The following CRPPA variants were observed in gnomAD, a reference collection of about 807,000 sequenced individuals.
The protein encoded by CRPPA is CDP-L-ribitol pyrophosphorylase A.
A neutral mutation model predicts 52.0 loss-of-function variants in CRPPA; 43 were observed. The ratio of observed to expected loss-of-function variants is 0.83; its 90% CI spans 0.65 to 1.07. CRPPA has a LOEUF of 1.07. Ranked by LOEUF, CRPPA falls within the 50% of genes least tolerant of loss-of-function variation. The pLI is 0.00. For synonymous variants in CRPPA, 250 were observed against 203.5 expected, an observed-to-expected ratio of 1.23 and a Z score of -1.94; for missense variants, 629 against 551.7, an observed-to-expected ratio of 1.14 and a Z score of -1.40.
chr7:16,112,970 C>A (rs1044607195), intron 9 of CRPPA, among the ~76,000 whole-genome samples: 1 of 151,804 alleles, frequency 6.6e-6, no homozygotes, highest in Non-Finnish European at 1.5e-5. Context: ...GAAAAACAGA[C>A]CCATTAGCAT....
intron 2 of CRPPA, among the ~76,000 whole-genome samples, chr7:16,385,364 G>T (rs1401222197): frequency 6.6e-6 from 1 of 152,110 alleles, no homozygotes; most frequent in African/African-American, 2.4e-5. Flanking sequence ...CATAGTAAAA[G>T]TGCTGAAAAC....
chr7:16,142,113 C>T (rs540459033), intron 9 of CRPPA, among the ~76,000 whole-genome samples: 1 of 152,244 alleles, frequency 6.6e-6, no homozygotes, highest in African/African-American at 2.4e-5. Flanking sequence ...GAGACATAAA[C>T]AAGAACGGAT....
intron 9 of CRPPA, among the ~76,000 whole-genome samples, chr7:16,215,196 T>C (rs1782270732): frequency 6.6e-6 from 1 of 152,214 alleles, no homozygotes; most frequent in Admixed American, 6.5e-5. Context: ...TTTAAATACC[T>C]GTCATTCACT....
chr7:16,213,626 A>G (rs6461232), intron 9 of CRPPA, among the ~76,000 whole-genome samples: 147,272 of 151,862 alleles, frequency 0.97, 71,515 homozygotes, highest in East Asian at 1. Flanking sequence ...GCGGGCACCC[A>G]TAATCCCAGC....
At chr7:16,299,647 A>T (rs1784749778) in intron 5 of CRPPA, among the ~76,000 whole-genome samples, 1 of 152,176 alleles carries the variant, frequency 6.6e-6, no homozygotes, top group South Asian at 2.1e-4. Context: ...GGAAACTAAA[A>T]GTTTGTTGAC....
chr7:16,188,269 C>A (rs1015794855), intron 9 of CRPPA, among the ~76,000 whole-genome samples: 1 of 151,842 alleles, frequency 6.6e-6, no homozygotes, highest in Non-Finnish European at 1.5e-5. Flanking sequence ...TATTTCAATT[C>A]CTAAATAACT....
intron 3 of CRPPA, among the ~76,000 whole-genome samples, chr7:16,323,380 A>G (rs184379737): frequency 6.6e-6 from 1 of 152,164 alleles, no homozygotes; most frequent in African/African-American, 2.4e-5. Flanking sequence ...GTTTGGTCAT[A>G]TGATTGTCAA....
chr7:16,387,086 TACACAC>T (rs373538470), intron 2 of CRPPA, among the ~76,000 whole-genome samples: 43 of 55,642 alleles, frequency 7.7e-4, no homozygotes, highest in Middle Eastern at 7.6e-3. Context: ...TATATATATA[TACACAC>T]ATATATATAT....
intron 6 of CRPPA, among the ~76,000 whole-genome samples, chr7:16,263,712 A>G (rs1783874086): frequency 6.6e-6 from 1 of 152,136 alleles, no homozygotes; most frequent in African/African-American, 2.4e-5. Flanking sequence ...AGATCGTGCC[A>G]CTGCACTCCA....
chr7:16,166,091 G>A (rs1473971828), intron 9 of CRPPA, among the ~76,000 whole-genome samples: 1 of 152,088 alleles, frequency 6.6e-6, no homozygotes, highest in Non-Finnish European at 1.5e-5. Context: ...ACCATTGTTG[G>A]TACACAAAGT....
rs1562496928 is a variant in CRPPA, at chr7:16,089,473, G to GTGCA, written c.*2221_*2222insTGCA. 3 of 316,212 alleles carry GTGCA rather than the reference G, an allele frequency of 9.5e-6. No individual in the cohort carries two copies. Among genetic ancestry groups the GTGCA allele is most frequent in the East Asian group, 7.7e-5 (1 of 12,914 alleles). The allele number at this position is 316,212 out of a possible 1,614,324, so 19.6% of individuals were successfully genotyped here. A position where few individuals can be genotyped will look rare whatever the true frequency, so the allele number is the denominator to read the frequency against. On this transcript the variant is annotated 3_prime_UTR_variant, in exon 10 of 10. Coordinates refer to ENST00000407010, the MANE Select transcript of CRPPA (RefSeq NM_001101426.4). ...CATACATATATGTGTATATATGTAC[G>GTGCA]TACATATATACGGGTATATATGTAC...
intron 9 of CRPPA, among the ~76,000 whole-genome samples, chr7:16,137,208 C>A (rs1264036505): frequency 6.6e-6 from 1 of 152,202 alleles, no homozygotes; most frequent in Non-Finnish European, 1.5e-5. Context: ...CAGAAAGCTG[C>A]CTCGCTTATC....
chr7:16,247,178 A>T (rs1429387266), intron 8 of CRPPA, among the ~76,000 whole-genome samples: 1 of 152,244 alleles, frequency 6.6e-6, no homozygotes, highest in Non-Finnish European at 1.5e-5. Context: ...TTTAAACCAC[A>T]TGAATAAACT....
chr7:16,184,075 G>C (rs375400253), intron 9 of CRPPA, among the ~76,000 whole-genome samples: 1 of 152,048 alleles, frequency 6.6e-6, no homozygotes, highest in East Asian at 1.9e-4. Flanking sequence ...CTGAGTAGCT[G>C]GGACTACAGG....
chr7:16,171,097 G>A (rs967004116), intron 9 of CRPPA, among the ~76,000 whole-genome samples: 1 of 152,268 alleles, frequency 6.6e-6, no homozygotes, highest in Admixed American at 6.5e-5. Flanking sequence ...CTGAGAGCGA[G>A]TGAGGGCTGC....
chr7:16,397,604 T>C (rs891684283), intron 2 of CRPPA, among the ~76,000 whole-genome samples: 3 of 151,930 alleles, frequency 2.0e-5, no homozygotes, highest in African/African-American at 7.2e-5. Flanking sequence ...TACTGACGTG[T>C]GACACGTGAC....
intron 3 of CRPPA, among the ~76,000 whole-genome samples, chr7:16,360,255 T>G (rs1358553565): frequency 6.6e-6 from 1 of 152,208 alleles, no homozygotes; most frequent in South Asian, 2.1e-4. Flanking sequence ...GCATGCTGTA[T>G]TTTATACTAT....
chr7:16,309,411 A>T (rs1784987860), intron 3 of CRPPA, among the ~76,000 whole-genome samples: 1 of 152,190 alleles, frequency 6.6e-6, no homozygotes, highest in Admixed American at 6.5e-5. Context: ...AACCTGATAG[A>T]TGCAGCACTA....
At chr7:16,348,942 G>T (rs530864079) in intron 3 of CRPPA, among the ~76,000 whole-genome samples, 8 of 152,262 alleles carry the variant, frequency 5.3e-5, no homozygotes, top group African/African-American at 1.9e-4. Flanking sequence ...TTCCTGAATA[G>T]TCCTAGACCA....
Sources: gnomAD v4.1 joint callset for allele counts (sites outside exome capture counted in the v4.1 genomes callset) on GRCh38, gnomAD v4.1.1 for gene constraint, MANE v1.5 for transcripts, NCBI Gene and HGNC (gene_info 2026-07-23, HGNC 2026-07-21) for gene names.